CHRM3: variants seen among roughly 807,000 people sequenced by gnomAD.
CHRM3 encodes the protein muscarinic acetylcholine receptor M3.
A neutral mutation model predicts 41.8 loss-of-function variants in CHRM3; 11 were observed. The ratio of observed to expected loss-of-function variants is 0.26; its 90% confidence interval spans 0.17 to 0.44. The LOEUF is 0.44. CHRM3 is among the 20% of genes least tolerant of loss of function. CHRM3 has a pLI of 1.00. For missense variants in CHRM3, 571 were observed against 745.4 expected, an observed-to-expected ratio of 0.77 and a Z score of 2.72; for synonymous variants, 297 against 301.4, an observed-to-expected ratio of 0.99 and a Z score of 0.15.
intron 3 of CHRM3, among the ~76,000 whole-genome samples, chr1:239,616,411 C>T (rs1012200044): frequency 1.2e-4 from 19 of 152,186 alleles, no homozygotes; most frequent in African/African-American, 4.6e-4. Context: ...GGCACCCCTT[C>T]CTCGGTGCCT....
chr1:239,641,813 G>A (rs1318078308), intron 4 of CHRM3, among the ~76,000 whole-genome samples: 1 of 128,008 alleles, frequency 7.8e-6, no homozygotes, highest in East Asian at 2.0e-4. Flanking sequence ...TCATTATGAT[G>A]TTAGCTGGTT....
intron 4 of CHRM3, among the ~76,000 whole-genome samples, chr1:239,648,869 GAC>G (rs1671989497): frequency 6.6e-6 from 1 of 152,144 alleles, no homozygotes; most frequent in African/African-American, 2.4e-5. Flanking sequence ...GGACATGACT[GAC>G]ACATGAATCA....
intron 5 of CHRM3, among the ~76,000 whole-genome samples, chr1:239,749,700 T>A (rs1461021044): frequency 6.6e-6 from 1 of 152,144 alleles, no homozygotes; most frequent in Non-Finnish European, 1.5e-5. Context: ...TAGCTTTGTA[T>A]ATTTTCTGAG....
At chr1:239,685,276 A>G (rs1659021689) in intron 5 of CHRM3, among the ~76,000 whole-genome samples, 1 of 152,134 alleles carries the variant, frequency 6.6e-6, no homozygotes, top group South Asian at 2.1e-4. Context: ...TAAAAGTAAA[A>G]ATAGTCATAT....
At chr1:239,410,393 G>A (rs1660972923) in intron 1 of CHRM3, among the ~76,000 whole-genome samples, 1 of 152,130 alleles carries the variant, frequency 6.6e-6, no homozygotes, top group Non-Finnish European at 1.5e-5. Flanking sequence ...GATACTGTGT[G>A]TCTTTTTTAG....
At chr1:239,657,937 C>T (rs1432781049) in intron 4 of CHRM3, among the ~76,000 whole-genome samples, 1 of 151,900 alleles carries the variant, frequency 6.6e-6, no homozygotes, top group African/African-American at 2.4e-5. Context: ...TTTACTCTGA[C>T]AGCTACATTG....
At chr1:239,391,349 A>C (rs1473124615) in intron 1 of CHRM3, among the ~76,000 whole-genome samples, 1 of 152,128 alleles carries the variant, frequency 6.6e-6, no homozygotes, top group East Asian at 1.9e-4. Flanking sequence ...TCTGAAATGC[A>C]GTGCTTGATT....
intron 5 of CHRM3, among the ~76,000 whole-genome samples, chr1:239,778,035 A>C (rs1033615512): frequency 1.3e-5 from 2 of 152,148 alleles, no homozygotes; most frequent in African/African-American, 4.8e-5. Flanking sequence ...TGAAGGATGC[A>C]CTAAAATCTC....
chr1:239,642,364 C>T (rs1439820464), intron 4 of CHRM3, among the ~76,000 whole-genome samples: 1 of 151,970 alleles, frequency 6.6e-6, no homozygotes, highest in Non-Finnish European at 1.5e-5. Context: ...AGAGTGTTTT[C>T]CAACTTGGTT....
At chr1:239,686,815 G>T (rs1198096646) in intron 5 of CHRM3, among the ~76,000 whole-genome samples, 1 of 152,144 alleles carries the variant, frequency 6.6e-6, no homozygotes, top group Non-Finnish European at 1.5e-5. Flanking sequence ...GGAGCATTCA[G>T]AAAGATCAGC....
chr1:239,671,591 AG>A (rs1674371707), intron 4 of CHRM3, among the ~76,000 whole-genome samples: 1 of 152,132 alleles, frequency 6.6e-6, no homozygotes. Flanking sequence ...AAAAAGGCCC[AG>A]ATGCAGCTTT....
chr1:239,732,935 TCTAATATCTCATTTAGATAAGTATAC>T (rs1664082184), intron 5 of CHRM3, among the ~76,000 whole-genome samples: 1 of 151,516 alleles, frequency 6.6e-6, no homozygotes, highest in East Asian at 2.0e-4. Flanking sequence ...GATAAGTATA[TCTAATATCTCATTTAGATAAGTATAC>T]CTAATATCTC....
chr1:239,562,264 T>A (rs1660927693), intron 3 of CHRM3, among the ~76,000 whole-genome samples: 1 of 152,196 alleles, frequency 6.6e-6, no homozygotes, highest in Non-Finnish European at 1.5e-5. Context: ...TATCTGTGTT[T>A]ACACTTCAGT....
chr1:239,513,645 G>A (rs1203068707), intron 2 of CHRM3, among the ~76,000 whole-genome samples: 1 of 152,058 alleles, frequency 6.6e-6, no homozygotes, highest in African/African-American at 2.4e-5. Flanking sequence ...AGTTCAACTT[G>A]TCAATTATTT....
intron 2 of CHRM3, among the ~76,000 whole-genome samples, chr1:239,527,836 A>G (rs1226166951): frequency 6.6e-6 from 1 of 152,250 alleles, no homozygotes; most frequent in Non-Finnish European, 1.5e-5. Flanking sequence ...AAGATATTTA[A>G]ATCTATGTTA....
intron 5 of CHRM3, among the ~76,000 whole-genome samples, chr1:239,823,061 C>T (rs1672179390): frequency 6.6e-6 from 1 of 152,168 alleles, no homozygotes; most frequent in South Asian, 2.1e-4. Flanking sequence ...ATTTTACAAA[C>T]CAATGGTAGA....
chr1:239,471,061 G>A, intron 1 of CHRM3, among the ~76,000 whole-genome samples: 1 of 152,234 alleles, frequency 6.6e-6, no homozygotes, highest in African/African-American at 2.4e-5. Context: ...ATAGAAACAA[G>A]ATTTCCTGTT....
intron 2 of CHRM3, among the ~76,000 whole-genome samples, chr1:239,503,932 C>T (rs1414549122): frequency 6.6e-6 from 1 of 152,078 alleles, no homozygotes; most frequent in African/African-American, 2.4e-5. Context: ...GGATTAAGTA[C>T]TTAAATCTAA....
chr1:239,466,861 T>G (rs1665767907), intron 1 of CHRM3, among the ~76,000 whole-genome samples: 1 of 152,174 alleles, frequency 6.6e-6, no homozygotes, highest in African/African-American at 2.4e-5. Context: ...ATTACACAAA[T>G]GAAGAAACTA....
Sources: allele counts gnomAD v4.1 joint callset (sites outside exome capture counted in the v4.1 genomes callset), GRCh38; gene constraint gnomAD v4.1.1; transcripts MANE v1.5; gene names NCBI Gene and HGNC (gene_info 2026-07-23, HGNC 2026-07-21).